GABBR2: variants seen among roughly 807,000 people sequenced by gnomAD.
The protein encoded by GABBR2 is gamma-aminobutyric acid type B receptor subunit 2, also known as G-protein coupled receptor 51.
GABBR2 carries 23 observed loss-of-function variants against 105.6 expected under a neutral mutation model. The ratio of observed to expected loss-of-function variants is 0.22; its 90% CI spans 0.16 to 0.31. The LOEUF is 0.31. Ranked by LOEUF, GABBR2 falls within the 10% of genes least tolerant of loss-of-function variation. GABBR2 has a pLI of 1.00. For missense variants in GABBR2, 734 were observed against 1,245.5 expected (o/e 0.59, Z 6.18); for synonymous variants, 478 against 499.7 (o/e 0.96, Z 0.58).
At position 98,410,120 on chromosome 9, in the gene GABBR2, A is replaced by ATTTTTTTTTTTTT. The variant is rs564055730; in HGVS notation, c.1237-3980_1237-3979insAAAAAAAAAAAAA. 8.5e-3 allele frequency among the ~76,000 whole-genome samples: 1,244 copies of ATTTTTTTTTTTTT among 147,082 alleles called. 21 individuals carry two copies. Among genetic ancestry groups the ATTTTTTTTTTTTT allele is most frequent in the African/African-American group, 0.031 (1,210 of 39,322 alleles). On this transcript the variant is annotated intron_variant, in intron 7 of 18. Transcript: ENST00000259455. Reference sequence around the variant, plus strand: ...TCCTAACACCCCAGCTTGAGCTGGAATTTTTTTTTTTGGTTTCCCTCCCAC... The same window carrying ATTTTTTTTTTTTT: ...TCCTAACACCCCAGCTTGAGCTGGAATTTTTTTTTTTTTTTTTTTTTTTTGGTTTCCCTCCCAC...
intron 2 of GABBR2, among the ~76,000 whole-genome samples, chr9:98,566,027 G>T (rs1828746436): frequency 6.6e-6 from 1 of 152,172 alleles, no homozygotes; most frequent in Non-Finnish European, 1.5e-5. Flanking sequence ...CTAAGGCAGT[G>T]GTTCCCACCC....
intron 2 of GABBR2, among the ~76,000 whole-genome samples, chr9:98,563,504 C>T (rs188739871): frequency 1.3e-5 from 2 of 152,286 alleles, no homozygotes; most frequent in Admixed American, 1.3e-4. Context: ...GAGGATTGGG[C>T]CAAAACAGCT....
chr9:98,650,559 G>A (rs540950327), intron 1 of GABBR2, among the ~76,000 whole-genome samples: 14 of 151,548 alleles, frequency 9.2e-5, no homozygotes, highest in Admixed American at 5.3e-4. Flanking sequence ...AAATTCCAAC[G>A]GAAAAAAAAG....
At chr9:98,536,518 T>C (rs1999503) in intron 3 of GABBR2, among the ~76,000 whole-genome samples, 13,449 of 152,084 alleles carry the variant, frequency 0.088, 806 homozygotes, top group South Asian at 0.16. Context: ...TTTCTAGGCA[T>C]CCCCTGCCCA....
At chr9:98,473,439 T>A in intron 5 of GABBR2, 93 bp from the exon 6 acceptor site, 1 of 747,808 alleles carries the variant, frequency 1.3e-6, no homozygotes, top group Non-Finnish European at 2.3e-6. Flanking sequence ...GGCTTCCTCT[T>A]CCCAGAGGAT....
chr9:98,414,513 C>A (rs1832651180), intron 7 of GABBR2, among the ~76,000 whole-genome samples: 1 of 152,164 alleles, frequency 6.6e-6, no homozygotes, highest in Non-Finnish European at 1.5e-5. Flanking sequence ...ATTTTGAATG[C>A]AAGAGGAGCA....
intron 2 of GABBR2, among the ~76,000 whole-genome samples, chr9:98,543,859 G>A (rs138024991): frequency 4.0e-5 from 6 of 151,458 alleles, no homozygotes; most frequent in East Asian, 3.9e-4. Flanking sequence ...TTATAGTGCC[G>A]TTTCCAGGTA....
chr9:98,401,677 G>A (rs986519406), intron 8 of GABBR2, among the ~76,000 whole-genome samples: 1 of 152,174 alleles, frequency 6.6e-6, no homozygotes, highest in African/African-American at 2.4e-5. Flanking sequence ...GGTGAAGCGA[G>A]CTACAATTGC....
At chr9:98,566,471 C>G (rs1486686357) in intron 2 of GABBR2, among the ~76,000 whole-genome samples, 2 of 152,020 alleles carry the variant, frequency 1.3e-5, no homozygotes, top group Admixed American at 1.3e-4. Flanking sequence ...GTCAGAAGAT[C>G]AAGACCATCC....
chr9:98,480,668 T>C (rs1330707030), intron 5 of GABBR2, among the ~76,000 whole-genome samples: 1 of 152,064 alleles, frequency 6.6e-6, no homozygotes. Flanking sequence ...CCTGGCTAAG[T>C]TGAGCAGACT....
rs192172279 is a variant in GABBR2, at chr9:98,636,338, C to T, written c.322-58266G>A. Reference sequence around the variant, plus strand: ...TCTGCCTATACTTTGCAGAGAGGGGCCCTCAGGTCATTTCAGGGTGAGCGC... The same window carrying T: ...TCTGCCTATACTTTGCAGAGAGGGGTCCTCAGGTCATTTCAGGGTGAGCGC... On this transcript the variant is annotated intron_variant, in intron 1 of 18. Transcript: ENST00000259455. Among the ~76,000 whole-genome samples, 21 of 152,264 alleles carry T rather than the reference C, an allele frequency of 1.4e-4. No individual in the cohort carries two copies. In the East Asian group the frequency reaches 3.7e-3, roughly 27 times the overall value.
intron 7 of GABBR2, among the ~76,000 whole-genome samples, chr9:98,438,084 CTA>C (rs1825959804): frequency 1.5e-5 from 1 of 67,950 alleles, no homozygotes. Context: ...GTCCACACAT[CTA>C]TCCATCCATC....
intron 1 of GABBR2, among the ~76,000 whole-genome samples, chr9:98,669,996 G>A (rs113834028): frequency 6.3e-4 from 96 of 152,214 alleles, no homozygotes; most frequent in African/African-American, 2.2e-3. Flanking sequence ...GATGCAGCCA[G>A]GCAAAGGGCA....
At chr9:98,594,288 A>C (rs548233171) in intron 1 of GABBR2, among the ~76,000 whole-genome samples, 47 of 151,944 alleles carry the variant, frequency 3.1e-4, no homozygotes, top group African/African-American at 1.0e-3. Flanking sequence ...CCCGCCTCCC[A>C]CCCCGTGGCT....
chr9:98,361,999 TGAGA>T (rs781306276), intron 13 of GABBR2, among the ~76,000 whole-genome samples: 44 of 152,208 alleles, frequency 2.9e-4, no homozygotes, highest in Non-Finnish European at 4.7e-4. Context: ...AACAAAGCAG[TGAGA>T]GAAACAGAGA....
chr9:98,608,131 T>A lies in GABBR2; in HGVS notation c.322-30059A>T. On this transcript the variant is annotated intron_variant, in intron 1 of 18. Coordinates refer to ENST00000259455, the MANE Select transcript of GABBR2 (RefSeq NM_005458.8). ...AGAACAAGAAGAAAGGAAGATCTTT[T>A]AAACTCTCTATTGACCACCAGTTAC... 3.9e-6 allele frequency: 5 copies of A among 1,269,056 alleles called. No homozygotes were observed. The East Asian group carries it at 1.2e-4, about 30-fold the overall frequency. 78.6% of individuals were successfully genotyped at this position (1,269,056 alleles called of 1,614,324 possible).
At position 98,364,151 on chromosome 9, in the gene GABBR2, G is replaced by A. The variant is rs190724174; in HGVS notation, c.1771-1314C>T. 3.8e-3 allele frequency among the ~76,000 whole-genome samples: 584 copies of A among 152,296 alleles called. 3 individuals are homozygous for A. The highest frequency in any genetic ancestry group is 0.013 in the African/African-American group (542 of 41,560). On this transcript the variant is annotated intron_variant, in intron 12 of 18. Coordinates refer to ENST00000259455, the MANE Select transcript of GABBR2 (RefSeq NM_005458.8). ...CCGCTGTACCTGGGGGCAGGGCACCGGCAAAGCCCGCTCTGAGATTTTCAA... is the reference window on the plus strand; with the variant it reads ...CCGCTGTACCTGGGGGCAGGGCACCAGCAAAGCCCGCTCTGAGATTTTCAA...
chr9:98,603,318 G>C (rs906125905), intron 1 of GABBR2, among the ~76,000 whole-genome samples: 10 of 152,212 alleles, frequency 6.6e-5, no homozygotes, highest in Non-Finnish European at 1.0e-4. Context: ...TCAGGCAAAG[G>C]ATTTGGTCTG....
chr9:98,651,117 A>C (rs1830097186), intron 1 of GABBR2, among the ~76,000 whole-genome samples: 2 of 150,046 alleles, frequency 1.3e-5, no homozygotes, highest in African/African-American at 4.9e-5. Flanking sequence ...ACACACACCC[A>C]CACACACACA....
Sources: gnomAD v4.1 joint callset for allele counts (sites outside exome capture counted in the v4.1 genomes callset) on GRCh38, gnomAD v4.1.1 for gene constraint, MANE v1.5 for transcripts, NCBI Gene and HGNC (gene_info 2026-07-23, HGNC 2026-07-21) for gene names.